The following TRAPPC9 variants were observed in gnomAD, a reference collection of about 807,000 sequenced individuals.
TRAPPC9 encodes IKK2 binding protein.
A neutral mutation model predicts 124.0 loss-of-function variants in TRAPPC9; 83 were observed. The ratio of observed to expected loss-of-function variants is 0.67; its 90% CI spans 0.56 to 0.80. The LOEUF (loss-of-function observed/expected upper bound fraction) is 0.80, where lower values mean the gene tolerates loss of function less well. Ranked by LOEUF, TRAPPC9 falls within the 30% of genes least tolerant of loss-of-function variation. The pLI, the probability that TRAPPC9 is intolerant of heterozygous loss-of-function variation, is 0.00. For missense variants in TRAPPC9, 1,302 were observed against 1,508.3 expected, an observed-to-expected ratio of 0.86 and a Z score of 2.27; for synonymous variants, 638 against 617.5, an observed-to-expected ratio of 1.03 and a Z score of -0.49.
intron 21 of TRAPPC9, among the ~76,000 whole-genome samples, chr8:139,734,475 G>A (rs1421400457): frequency 6.6e-6 from 1 of 152,178 alleles, no homozygotes; most frequent in Non-Finnish European, 1.5e-5. Flanking sequence ...CTGAGTTTAT[G>A]TTCCTGGAAC....
At chr8:140,355,640 T>TG (rs960084647) in intron 9 of TRAPPC9, among the ~76,000 whole-genome samples, 5 of 152,022 alleles carry the variant, frequency 3.3e-5, no homozygotes, top group East Asian at 1.9e-4. Context: ...ATCACAGCAC[T>TG]GGGGGGGAAT....
intron 12 of TRAPPC9, among the ~76,000 whole-genome samples, chr8:140,288,021 A>G (rs1215830005): frequency 6.6e-6 from 1 of 152,198 alleles, no homozygotes; most frequent in African/African-American, 2.4e-5. Context: ...ACACAAAGAG[A>G]AAATATTTTA....
chr8:140,123,224 G>C (rs189181276), intron 17 of TRAPPC9, among the ~76,000 whole-genome samples: 1 of 151,970 alleles, frequency 6.6e-6, no homozygotes, highest in South Asian at 2.1e-4. Flanking sequence ...CCACAGTCAC[G>C]TCCGCCATGA....
intron 9 of TRAPPC9, among the ~76,000 whole-genome samples, chr8:140,334,629 G>A (rs1363540860): frequency 1.3e-5 from 2 of 150,956 alleles, no homozygotes; most frequent in African/African-American, 4.9e-5. Context: ...CAGCTTGGGC[G>A]ACAGAGCGAG....
In TRAPPC9 at chr8:140,450,778, A is replaced by G. The variant is rs2071426127; in HGVS notation, c.584+12T>C. ...GGGAAGCCAAGGGGCCTGGGTCTCTAGGTAAGCTTACCTGCTGTCTGTGTC... is the reference window on the plus strand; with the variant it reads ...GGGAAGCCAAGGGGCCTGGGTCTCTGGGTAAGCTTACCTGCTGTCTGTGTC... On this transcript the variant is annotated intron_variant, in intron 2 of 22. Transcript: ENST00000438773. 6 of 1,594,264 alleles carry G rather than the reference A, an allele frequency of 3.8e-6. No individual in the cohort carries two copies. In the South Asian group the frequency reaches 5.6e-5, roughly 15 times the overall value.
At chr8:140,400,960 T>G (rs1588286022) in intron 6 of TRAPPC9, among the ~76,000 whole-genome samples, 1 of 152,220 alleles carries the variant, frequency 6.6e-6, no homozygotes, top group African/African-American at 2.4e-5. Context: ...CCAACTGGAC[T>G]GATTTTCAAC....
intron 19 of TRAPPC9, among the ~76,000 whole-genome samples, chr8:139,969,753 C>T (rs868102156): frequency 2.6e-5 from 4 of 152,230 alleles, no homozygotes; most frequent in Non-Finnish European, 5.9e-5. Context: ...GCCAAAAATG[C>T]TCTCCCCTGC....
intron 21 of TRAPPC9, among the ~76,000 whole-genome samples, chr8:139,877,129 G>C (rs148328224): frequency 6.6e-6 from 1 of 152,346 alleles, no homozygotes; most frequent in African/African-American, 2.4e-5. Flanking sequence ...AACCTAATCT[G>C]TATTCACTGG....
chr8:139,796,075 G>T (rs1327789279), intron 21 of TRAPPC9, among the ~76,000 whole-genome samples: 1 of 138,298 alleles, frequency 7.2e-6, no homozygotes, highest in Admixed American at 7.1e-5. Flanking sequence ...AAGAGGAGGA[G>T]GAAGAGGAGA....
chr8:140,440,178 A>T (rs138984232), intron 2 of TRAPPC9, among the ~76,000 whole-genome samples: 135 of 152,348 alleles, frequency 8.9e-4, no homozygotes, highest in African/African-American at 1.9e-3. Flanking sequence ...AGGCAGTGTC[A>T]GGATGGCCCC....
chr8:140,027,902 TG>T (rs1840253412), intron 17 of TRAPPC9, among the ~76,000 whole-genome samples: 2 of 152,032 alleles, frequency 1.3e-5, no homozygotes, highest in African/African-American at 2.4e-5. Flanking sequence ...GAGAACAGCA[TG>T]GGGGACACCA....
At chr8:140,117,615 C>G (rs2130574952) in intron 17 of TRAPPC9, among the ~76,000 whole-genome samples, 2 of 152,300 alleles carry the variant, frequency 1.3e-5, no homozygotes, top group Middle Eastern at 6.8e-3. Flanking sequence ...AAGGTCCCAT[C>G]TCTTAACATT....
At chr8:139,791,849 G>A (rs998423095) in intron 21 of TRAPPC9, among the ~76,000 whole-genome samples, 5 of 152,182 alleles carry the variant, frequency 3.3e-5, no homozygotes, top group Non-Finnish European at 5.9e-5. Flanking sequence ...CATGGGATGC[G>A]GCTCCGCAAC....
intron 15 of TRAPPC9, among the ~76,000 whole-genome samples, chr8:140,272,049 G>T (rs1298826820): frequency 2.2e-4 from 31 of 143,346 alleles, no homozygotes; most frequent in Admixed American, 7.5e-4. Context: ...GGTGGTTGTG[G>T]TGGTTATGGT....
chr8:140,309,773 G>C (rs1439566518), intron 10 of TRAPPC9, among the ~76,000 whole-genome samples: 3 of 152,262 alleles, frequency 2.0e-5, no homozygotes, highest in Non-Finnish European at 2.9e-5. Context: ...CAGCCTGCCT[G>C]AGTGCTGAGC....
intron 18 of TRAPPC9, among the ~76,000 whole-genome samples, chr8:140,021,819 T>C (rs1302288176): frequency 6.6e-6 from 1 of 152,104 alleles, no homozygotes; most frequent in Admixed American, 6.5e-5. Flanking sequence ...TCAGAAAAAT[T>C]TTACAAAAAT....
At chr8:140,251,250 G>C (rs916220938) in intron 16 of TRAPPC9, among the ~76,000 whole-genome samples, 4 of 152,190 alleles carry the variant, frequency 2.6e-5, no homozygotes, top group African/African-American at 9.7e-5. Context: ...GGCAGGTGCT[G>C]GGCACCATTT....
intron 17 of TRAPPC9, among the ~76,000 whole-genome samples, chr8:140,090,355 C>A (rs960598265): frequency 3.3e-5 from 5 of 152,148 alleles, no homozygotes; most frequent in Non-Finnish European, 5.9e-5. Flanking sequence ...TCCTACCGCA[C>A]GCCACACCTG....
chr8:140,286,575 G>A (rs935338557), intron 13 of TRAPPC9, among the ~76,000 whole-genome samples: 20 of 152,160 alleles, frequency 1.3e-4, no homozygotes, highest in African/African-American at 4.6e-4. Flanking sequence ...AGGGAGGTGG[G>A]GGTGCTGTGA....
Sources: gnomAD v4.1 joint callset for allele counts (sites outside exome capture counted in the v4.1 genomes callset) on GRCh38, gnomAD v4.1.1 for gene constraint, MANE v1.5 for transcripts, NCBI Gene and HGNC (gene_info 2026-07-23, HGNC 2026-07-21) for gene names.